Variants in FHIT observed in about 807,000 individuals in gnomAD.
The protein encoded by FHIT is fragile histidine triad diadenosine triphosphatase.
Under a neutral mutation model 17.9 loss-of-function variants are expected in FHIT, and 19 were observed. The ratio of observed to expected loss-of-function variants is 1.06; its 90% CI spans 0.74 to 1.56. The LOEUF (loss-of-function observed/expected upper bound fraction) is 1.56. Among genes scored for constraint, FHIT ranks in the 40% most tolerant of loss-of-function variants. FHIT has a pLI of 0.00. For missense variants in FHIT, 248 were observed against 189.2 expected (o/e 1.31, Z -1.82); for synonymous variants, 81 against 69.7 (o/e 1.16, Z -0.81).
At chr3:60,162,276 G>C (rs1700974763) in intron 5 of FHIT, among the ~76,000 whole-genome samples, 1 of 152,040 alleles carries the variant, frequency 6.6e-6, no homozygotes, top group African/African-American at 2.4e-5. Context: ...TTCCAATGTA[G>C]ATCTTTTAAT....
intron 7 of FHIT, among the ~76,000 whole-genome samples, chr3:59,959,731 C>G (rs376675668): frequency 6.6e-6 from 1 of 152,192 alleles, no homozygotes; most frequent in African/African-American, 2.4e-5. Flanking sequence ...AAAGCACAAA[C>G]ATCAATCAGT....
chr3:60,534,193 C>T lies in FHIT; in HGVS notation c.103+2667G>A, dbSNP rs530118041. Among the ~76,000 whole-genome samples, 702 of 149,888 alleles carry T rather than the reference C, an allele frequency of 4.7e-3. 4 individuals carry two copies. Among genetic ancestry groups the T allele is most frequent in the African/African-American group, 0.017 (673 of 40,598 alleles). On this transcript the variant is annotated intron_variant, in intron 5 of 9. Transcript: ENST00000492590. ...CTGTAATCCCAGCACTTTGGGAGGC[C>T]GAGGCGGGTGGATCATGAGGTCAGG...
At chr3:60,552,693 C>G (rs377277857) in intron 4 of FHIT, among the ~76,000 whole-genome samples, 1 of 152,200 alleles carries the variant, frequency 6.6e-6, no homozygotes, top group African/African-American at 2.4e-5. Context: ...TACCTACTCC[C>G]TCTTCTGCTC....
intron 4 of FHIT, among the ~76,000 whole-genome samples, chr3:60,772,971 C>T (rs1449893144): frequency 2.0e-5 from 3 of 152,150 alleles, no homozygotes; most frequent in African/African-American, 4.8e-5. Context: ...CCTACGCCTT[C>T]GCCCAAACTA....
intron 5 of FHIT, among the ~76,000 whole-genome samples, chr3:60,454,243 A>C (rs1358236778): frequency 6.6e-6 from 1 of 152,150 alleles, no homozygotes; most frequent in South Asian, 2.1e-4. Context: ...ATTCTGAAGC[A>C]TTCCTCAAGC....
chr3:60,218,770 A>G (rs1247387799), intron 5 of FHIT, among the ~76,000 whole-genome samples: 1 of 152,090 alleles, frequency 6.6e-6, no homozygotes, highest in Non-Finnish European at 1.5e-5. Context: ...TAGCCCAAGG[A>G]TATGTAACTT....
intron 3 of FHIT, among the ~76,000 whole-genome samples, chr3:60,918,283 T>A (rs2107301912): frequency 6.6e-6 from 1 of 152,320 alleles, no homozygotes. Flanking sequence ...GAGAACTGAC[T>A]AATACACCCA....
chr3:59,786,329 G>C (rs1159170016), intron 8 of FHIT, among the ~76,000 whole-genome samples: 1 of 152,164 alleles, frequency 6.6e-6, no homozygotes, highest in Non-Finnish European at 1.5e-5. Flanking sequence ...ACACACAGAA[G>C]CTGGCAAGAC....
chr3:60,317,393 CT>C lies in FHIT; in HGVS notation c.103+219466del, dbSNP rs112383854. 7.1e-4 allele frequency among the ~76,000 whole-genome samples: 108 copies of C among 151,538 alleles called. 4 individuals carry two copies. In the South Asian group the frequency reaches 0.022, roughly 31 times the overall value. ...TAAAACAATCCCTTTACCAAATGGT[CT>C]ATTAGAATTCCTCTGATGCTCATCA... On this transcript the variant is annotated intron_variant, in intron 5 of 9. Transcript: ENST00000492590.
At chr3:60,290,038 G>C (rs532189553) in intron 5 of FHIT, among the ~76,000 whole-genome samples, 7 of 152,266 alleles carry the variant, frequency 4.6e-5, no homozygotes, top group African/African-American at 1.4e-4. Context: ...GATCTCAGCT[G>C]ATTGTGGTTC....
intron 5 of FHIT, among the ~76,000 whole-genome samples, chr3:60,198,709 C>T (rs1010336854): frequency 1.3e-5 from 2 of 152,154 alleles, no homozygotes; most frequent in Non-Finnish European, 2.9e-5. Context: ...GGCGGTGCAG[C>T]TCTGGTACCA....
intron 3 of FHIT, among the ~76,000 whole-genome samples, chr3:60,889,739 G>A (rs1033914298): frequency 3.9e-5 from 6 of 152,080 alleles, no homozygotes; most frequent in Non-Finnish European, 8.8e-5. Context: ...AATATTGACA[G>A]AAATAGGTAA....
intron 8 of FHIT, among the ~76,000 whole-genome samples, chr3:59,910,554 C>T (rs1010676207): frequency 6.6e-6 from 1 of 152,124 alleles, no homozygotes; most frequent in South Asian, 2.1e-4. Context: ...TGTCTCATCT[C>T]TCATGGCTAG....
chr3:60,732,339 ATGG>A (rs2042047337), intron 4 of FHIT: 1 of 906,166 alleles, frequency 1.1e-6, no homozygotes, highest in Non-Finnish European at 1.8e-6. Context: ...AGCATTTGCC[ATGG>A]GCAAGATGCC....
chr3:59,821,419 C>A (rs1278169261), intron 8 of FHIT, among the ~76,000 whole-genome samples: 1 of 152,194 alleles, frequency 6.6e-6, no homozygotes, highest in Non-Finnish European at 1.5e-5. Flanking sequence ...ATAGAAAACA[C>A]TCCACACCCA....
At chr3:60,326,622 A>T (rs1237220268) in intron 5 of FHIT, among the ~76,000 whole-genome samples, 1 of 152,138 alleles carries the variant, frequency 6.6e-6, no homozygotes, top group Non-Finnish European at 1.5e-5. Context: ...CCTGTCCTAA[A>T]CCATGTTTGC....
In FHIT at chr3:60,791,119, G is replaced by A. The variant is rs1700762568; in HGVS notation, c.-18+30800C>T. 3.3e-5 allele frequency among the ~76,000 whole-genome samples: 5 copies of A among 152,186 alleles called. No individual in the cohort carries two copies. The South Asian group carries it at 1.0e-3, about 31-fold the overall frequency. ...GTTTAGGAGTGTTTGGGAAAATAGA[G>A]TAGGAGAGAAGAGGGAACAATGAAG... On this transcript the variant is annotated intron_variant, in intron 4 of 9. Coordinates refer to ENST00000492590, the MANE Select transcript of FHIT (RefSeq NM_002012.4).
intron 5 of FHIT, among the ~76,000 whole-genome samples, chr3:60,287,577 G>T (rs927712085): frequency 1.3e-5 from 2 of 152,138 alleles, no homozygotes; most frequent in Non-Finnish European, 2.9e-5. Context: ...CATATTAAGT[G>T]CTTAATAAAT....
intron 2 of FHIT, among the ~76,000 whole-genome samples, chr3:61,062,319 A>G (rs2034457077): frequency 6.6e-6 from 1 of 152,164 alleles, no homozygotes; most frequent in African/African-American, 2.4e-5. Flanking sequence ...GGTCCCTAAG[A>G]GTCCCTTAAC....
Sources: allele counts gnomAD v4.1 joint callset (sites outside exome capture counted in the v4.1 genomes callset), GRCh38; gene constraint gnomAD v4.1.1; transcripts MANE v1.5; gene names NCBI Gene and HGNC (gene_info 2026-07-23, HGNC 2026-07-21).